Variants in CAPSL observed in about 807,000 individuals in gnomAD.
CAPSL encodes the protein calcyphosin-like protein.
In CAPSL, 17 loss-of-function variants were observed where a neutral mutation model predicts 21.3. The observed-to-expected ratio is 0.80, with a 90% CI of 0.55 to 1.20. The LOEUF (loss-of-function observed/expected upper bound fraction) is 1.20. Ranked by LOEUF, CAPSL falls within the 50% of genes most tolerant of loss-of-function variation. The pLI is 0.00. For synonymous variants in CAPSL, 102 were observed against 89.3 expected, an observed-to-expected ratio of 1.14 and a Z score of -0.80; for missense variants, 289 against 259.3, an observed-to-expected ratio of 1.11 and a Z score of -0.79.
chr5:35,919,090 G>A (rs1318384092), intron 2 of CAPSL, among the ~76,000 whole-genome samples: 1 of 147,506 alleles, frequency 6.8e-6, no homozygotes, highest in South Asian at 2.1e-4. Flanking sequence ...AATGACTTTT[G>A]TTTTGTTTGG....
chr5:35,935,764 C>T (rs1276593103), intron 1 of CAPSL, among the ~76,000 whole-genome samples: 1 of 152,156 alleles, frequency 6.6e-6, no homozygotes, highest in Non-Finnish European at 1.5e-5. Context: ...CTACCTCATT[C>T]TCCCTTCTGG....
At chr5:35,917,256 A>T (rs984378895) in intron 2 of CAPSL, among the ~76,000 whole-genome samples, 57 of 152,302 alleles carry the variant, frequency 3.7e-4, no homozygotes, top group African/African-American at 1.3e-3. Flanking sequence ...GAACACTTTT[A>T]CACTGTTGGT....
rs529629419 is a variant in CAPSL at position 35,921,313 on chromosome 5, C to T, written c.1-193G>A. On this transcript the variant is annotated intron_variant, in intron 1 of 4. Transcript: ENST00000651391. ...TAACTTACTTATCTAGTCCTGAGGA[C>T]ATCTGGTTTCTCCAGCCTAGACAAT... Among the ~76,000 whole-genome samples the T allele has an allele frequency of 1.1e-3, 175 of 152,316 alleles. 6 individuals are homozygous for T. The South Asian group carries it at 0.035, about 30-fold the overall frequency.
At chr5:35,906,572 T>C (rs1760684134) in intron 4 of CAPSL, among the ~76,000 whole-genome samples, 1 of 152,060 alleles carries the variant, frequency 6.6e-6, no homozygotes. Context: ...GCCAGGAAAA[T>C]CACAAAGACT....
intron 2 of CAPSL, among the ~76,000 whole-genome samples, chr5:35,915,971 C>T (rs2149921933): frequency 6.6e-6 from 1 of 152,278 alleles, no homozygotes; most frequent in East Asian, 1.9e-4. Flanking sequence ...ACCCCATCGT[C>T]TCAGCCCAAA....
chr5:35,937,235 T>C (rs1048151381), intron 1 of CAPSL, among the ~76,000 whole-genome samples: 8 of 152,156 alleles, frequency 5.3e-5, no homozygotes, highest in African/African-American at 1.7e-4. Context: ...CTTTAGAAAA[T>C]GAAAACATGA....
intron 2 of CAPSL, among the ~76,000 whole-genome samples, chr5:35,912,601 G>A (rs1738260080): frequency 6.6e-6 from 1 of 152,230 alleles, no homozygotes; most frequent in African/African-American, 2.4e-5. Context: ...GGCAAACAGG[G>A]TCTGGAGTGG....
intron 2 of CAPSL, among the ~76,000 whole-genome samples, chr5:35,914,754 G>T (rs940557224): frequency 6.6e-6 from 1 of 152,168 alleles, no homozygotes; most frequent in Non-Finnish European, 1.5e-5. Context: ...ACAAGAGAAA[G>T]CAGGAAAGAT....
chr5:35,927,423 T>C (rs1283618235), intron 1 of CAPSL, among the ~76,000 whole-genome samples: 1 of 152,214 alleles, frequency 6.6e-6, no homozygotes, highest in Non-Finnish European at 1.5e-5. Context: ...AATGATTCCA[T>C]GTGCTTTGAA....
chr5:35,928,102 T>C (rs1038763609), intron 1 of CAPSL, among the ~76,000 whole-genome samples: 1 of 152,192 alleles, frequency 6.6e-6, no homozygotes, highest in African/African-American at 2.4e-5. Context: ...TACCTTGAAC[T>C]ATGGATCCTC....
intron 1 of CAPSL, among the ~76,000 whole-genome samples, chr5:35,932,797 G>T (rs1241018222): frequency 3.9e-5 from 6 of 152,136 alleles, no homozygotes; most frequent in Non-Finnish European, 7.4e-5. Flanking sequence ...AAGCCCTAAG[G>T]GCAGACGTCA....
chr5:35,911,883 C>T (rs1214578667), intron 2 of CAPSL, among the ~76,000 whole-genome samples: 2 of 152,114 alleles, frequency 1.3e-5, no homozygotes, highest in African/African-American at 2.4e-5. Context: ...GGGTGCAGCA[C>T]ACCAAGCATG....
chr5:35,922,114 C>A (rs1289683808), intron 1 of CAPSL, among the ~76,000 whole-genome samples: 2 of 151,244 alleles, frequency 1.3e-5, no homozygotes, highest in Non-Finnish European at 2.9e-5. Context: ...TCCACCCTGG[C>A]TTCGAGGCTC....
intron 2 of CAPSL, among the ~76,000 whole-genome samples, chr5:35,917,490 GA>G (rs1374856798): frequency 5.9e-5 from 9 of 152,132 alleles, no homozygotes; most frequent in Non-Finnish European, 1.3e-4. Flanking sequence ...TGATAGACTG[GA>G]TTAAGAAAAT....
chr5:35,921,199 C>G lies in CAPSL; in HGVS notation c.1-79G>C. On this transcript the variant is annotated intron_variant, in intron 1 of 4. Transcript: ENST00000651391. ...GCTGGGCAGAGTGACAGAAGCCTCA[C>G]TGAGAAGGAAATTTACAGCCTTCTC... The G allele has an allele frequency of 2.0e-6, 3 of 1,512,330 alleles. No homozygotes were observed. In the East Asian group the frequency reaches 6.9e-5, roughly 35 times the overall value. The allele number at this position is 1,512,330 out of a possible 1,614,324, so 93.7% of individuals were successfully genotyped here.
rs200474321 is a variant in CAPSL at position 35,909,865 on chromosome 5, C to A, written c.525+1G>T. 2 of 1,606,664 alleles carry A rather than the reference C, an allele frequency of 1.2e-6. No individual in the cohort carries two copies. Among genetic ancestry groups the A allele is most frequent in the African/African-American group, 2.7e-5 (2 of 74,758 alleles). On this transcript the variant is annotated splice_donor_variant, in intron 4 of 4. Coordinates refer to ENST00000651391, the MANE Select transcript of CAPSL (RefSeq NM_001042625.2). LOFTEE classifies it high-confidence loss of function. ...CCCCTAGATTAGGCTCTTTTACTTACCAATCCATCTTTGTCATAGGGTGAA... is the reference window on the plus strand; with the variant it reads ...CCCCTAGATTAGGCTCTTTTACTTAACAATCCATCTTTGTCATAGGGTGAA...
chr5:35,929,903 A>T (rs1467363742), intron 1 of CAPSL, among the ~76,000 whole-genome samples: 3 of 152,164 alleles, frequency 2.0e-5, no homozygotes, highest in African/African-American at 7.2e-5. Flanking sequence ...AATTTTACTT[A>T]GCCTCTTCCT....
chr5:35,936,972 A>G lies in CAPSL; in HGVS notation c.-1+1569T>C, dbSNP rs536836562. 2.0e-5 allele frequency among the ~76,000 whole-genome samples: 3 copies of G among 152,294 alleles called. No individual in the cohort carries two copies. In the East Asian group the frequency reaches 5.8e-4, roughly 29 times the overall value. ...CTTTGCTTCAGGAAACAGCAATACC[A>G]TTTACCTGGGTCATTAACTGACCAT... On this transcript the variant is annotated intron_variant, in intron 1 of 4. Transcript: ENST00000651391.
chr5:35,936,533 A>T (rs889137228), intron 1 of CAPSL, among the ~76,000 whole-genome samples: 3 of 152,174 alleles, frequency 2.0e-5, no homozygotes, highest in Admixed American at 2.0e-4. Context: ...CTCTTCAATA[A>T]GTCATTGCTA....
Sources: gnomAD v4.1 joint callset for allele counts (sites outside exome capture counted in the v4.1 genomes callset) on GRCh38, gnomAD v4.1.1 for gene constraint, MANE v1.5 for transcripts, NCBI Gene and HGNC (gene_info 2026-07-23, HGNC 2026-07-21) for gene names.